The following BANK1 variants were observed in gnomAD, a reference collection of about 807,000 sequenced individuals.
BANK1 encodes the protein B cell scaffold protein with ankyrin repeats 1.
Under a neutral mutation model 94.5 loss-of-function variants are expected in BANK1, and 95 were observed. The ratio of observed to expected loss-of-function variants is 1.00; its 90% CI spans 0.85 to 1.19. BANK1 has a LOEUF of 1.19. Ranked by LOEUF, BANK1 falls within the 50% of genes most tolerant of loss-of-function variation. The pLI is 0.00. For synonymous variants in BANK1, 334 were observed against 308.4 expected, an observed-to-expected ratio of 1.08 and a Z score of -0.87; for missense variants, 987 against 932.2, an observed-to-expected ratio of 1.06 and a Z score of -0.77.
At chr4:101,875,617 C>T (rs1395152496) in intron 5 of BANK1, among the ~76,000 whole-genome samples, 1 of 152,134 alleles carries the variant, frequency 6.6e-6, no homozygotes, top group Non-Finnish European at 1.5e-5. Flanking sequence ...ACCAGGGTCC[C>T]CCCCTAGATA....
intron 1 of BANK1, among the ~76,000 whole-genome samples, chr4:101,815,202 A>G (rs1725867487): frequency 6.6e-6 from 1 of 152,188 alleles, no homozygotes; most frequent in Non-Finnish European, 1.5e-5. Context: ...ACCATAGGTC[A>G]GGAACTGTCA....
intron 7 of BANK1, among the ~76,000 whole-genome samples, chr4:101,944,018 GTGTT>G (rs1456311741): frequency 7.1e-6 from 1 of 141,490 alleles, no homozygotes; most frequent in African/African-American, 2.5e-5. Flanking sequence ...ATGTGTGTGT[GTGTT>G]TGTGTGTGTG....
intron 1 of BANK1, among the ~76,000 whole-genome samples, chr4:101,823,945 T>G (rs1726268815): frequency 6.6e-6 from 1 of 152,182 alleles, no homozygotes; most frequent in African/African-American, 2.4e-5. Flanking sequence ...AGTACAGGTA[T>G]TTGATCATGA....
At chr4:101,989,431 C>CAAAAA (rs899065744) in intron 7 of BANK1, among the ~76,000 whole-genome samples, 7 of 31,018 alleles carry the variant, frequency 2.3e-4, no homozygotes, top group Admixed American at 5.8e-4. Context: ...GACTCCGTCT[C>CAAAAA]AAAAAAAAAA....
At chr4:102,025,111 A>C in intron 8 of BANK1, 90 bp from the exon 9 acceptor site, 1 of 1,344,308 alleles carries the variant, frequency 7.4e-7, no homozygotes, top group Non-Finnish European at 1.0e-6. Flanking sequence ...TTTTATTAGC[A>C]GTACTACTAT....
At chr4:101,831,771 C>T (rs1726631117) in intron 2 of BANK1, among the ~76,000 whole-genome samples, 2 of 152,168 alleles carry the variant, frequency 1.3e-5, no homozygotes, top group African/African-American at 4.8e-5. Context: ...AAAGCATTGT[C>T]TTAGTTGTCT....
At chr4:101,791,394 C>T (rs1434804328) in intron 1 of BANK1, among the ~76,000 whole-genome samples, 2 of 152,186 alleles carry the variant, frequency 1.3e-5, no homozygotes, top group African/African-American at 4.8e-5. Flanking sequence ...CTGACAAATC[C>T]CAGCCTGGTG....
At chr4:101,838,739 G>T (rs1276150274) in intron 2 of BANK1, among the ~76,000 whole-genome samples, 3 of 152,210 alleles carry the variant, frequency 2.0e-5, no homozygotes, top group Non-Finnish European at 2.9e-5. Context: ...CCATTGGAGG[G>T]AGATCATACC....
At position 101,865,498 on chromosome 4, in the gene BANK1, C is replaced by A. The variant is rs140457415; in HGVS notation, c.763+2834C>A. Among the ~76,000 whole-genome samples, 633 of 152,178 alleles carry A rather than the reference C, an allele frequency of 4.2e-3. 4 individuals carry two copies. The highest frequency in any genetic ancestry group is 0.014 in the African/African-American group (594 of 41,508). ...GAGGAAGGATAATCGTGGTGAAATACTCCCAGCATGTTCTCCATAGCACAG... is the reference window on the plus strand; with the variant it reads ...GAGGAAGGATAATCGTGGTGAAATAATCCCAGCATGTTCTCCATAGCACAG... On this transcript the variant is annotated intron_variant, in intron 4 of 16. Coordinates refer to ENST00000322953, the MANE Select transcript of BANK1 (RefSeq NM_017935.5).
At chr4:101,985,596 A>T (rs1725458569) in intron 7 of BANK1, among the ~76,000 whole-genome samples, 1 of 152,102 alleles carries the variant, frequency 6.6e-6, no homozygotes, top group Non-Finnish European at 1.5e-5. Context: ...TAATGTTATT[A>T]TTTAATTGCT....
chr4:102,016,660 T>C lies in BANK1; in HGVS notation c.1207-4854T>C, dbSNP rs78829949. On this transcript the variant is annotated intron_variant, in intron 7 of 16. Coordinates refer to ENST00000322953, the MANE Select transcript of BANK1 (RefSeq NM_017935.5). Reference sequence around the variant, plus strand: ...ACCTGATTAACTATTTTCAGGACTTTGCTTTTTCACACTTGGTGATGCAGT... The same window carrying C: ...ACCTGATTAACTATTTTCAGGACTTCGCTTTTTCACACTTGGTGATGCAGT... Among the ~76,000 whole-genome samples, 1,500 of 152,330 alleles carry C rather than the reference T, an allele frequency of 9.8e-3. 15 individuals carry two copies. Among genetic ancestry groups the C allele is most frequent in the Non-Finnish European group, 0.016 (1,120 of 68,016 alleles).
chr4:101,987,404 C>A (rs545617024), intron 7 of BANK1, among the ~76,000 whole-genome samples: 5 of 152,212 alleles, frequency 3.3e-5, no homozygotes, highest in Admixed American at 6.6e-5. Context: ...CAAGGTCTTG[C>A]TGATAATAAG....
At chr4:101,949,098 G>C (rs1373728534) in intron 7 of BANK1, among the ~76,000 whole-genome samples, 3 of 152,016 alleles carry the variant, frequency 2.0e-5, no homozygotes, top group African/African-American at 7.2e-5. Flanking sequence ...CCAGCTGACA[G>C]GTCAGCTGGG....
chr4:102,039,005 G>A (rs1464949382), intron 10 of BANK1, among the ~76,000 whole-genome samples: 2 of 152,108 alleles, frequency 1.3e-5, no homozygotes, highest in African/African-American at 4.8e-5. Flanking sequence ...GCAGCAGTGT[G>A]TTTTCCACCT....
chr4:101,840,238 C>T (rs4339214), intron 2 of BANK1, among the ~76,000 whole-genome samples: 2 of 151,136 alleles, frequency 1.3e-5, no homozygotes, highest in African/African-American at 4.9e-5. Flanking sequence ...GAAGTGCTGG[C>T]ATCACAGGCG....
intron 7 of BANK1, among the ~76,000 whole-genome samples, chr4:101,961,616 GTTTAT>G (rs1176997872): frequency 6.6e-6 from 1 of 151,998 alleles, no homozygotes; most frequent in Non-Finnish European, 1.5e-5. Flanking sequence ...TTTTTTAGTC[GTTTAT>G]TTTAAGGCAA....
chr4:102,007,066 T>TATATTATATATATA (rs1491352771), intron 7 of BANK1, among the ~76,000 whole-genome samples: 2 of 99,160 alleles, frequency 2.0e-5, no homozygotes, highest in Admixed American at 1.1e-4. Flanking sequence ...AAATATATAA[T>TATATTATATATATA]TTTATATATA....
intron 2 of BANK1, among the ~76,000 whole-genome samples, chr4:101,849,721 A>G (rs894538470): frequency 2.0e-5 from 3 of 152,194 alleles, no homozygotes; most frequent in African/African-American, 7.2e-5. Flanking sequence ...TTTAAAGCTT[A>G]TATAAAAAGG....
At chr4:101,941,910 C>T (rs184594177) in intron 7 of BANK1, among the ~76,000 whole-genome samples, 1 of 151,902 alleles carries the variant, frequency 6.6e-6, no homozygotes, top group African/African-American at 2.4e-5. Flanking sequence ...TCATGATGAT[C>T]CACTTGTGTG....
Sources: allele counts gnomAD v4.1 joint callset (sites outside exome capture counted in the v4.1 genomes callset), GRCh38; gene constraint gnomAD v4.1.1; transcripts MANE v1.5; gene names NCBI Gene and HGNC (gene_info 2026-07-23, HGNC 2026-07-21).